H2BC18: variants seen among roughly 807,000 people sequenced by gnomAD.
H2BC18 encodes the protein H2B clustered histone 18.
Under a neutral mutation model 6.3 loss-of-function variants are expected in H2BC18, and 8 were observed. That is an observed-to-expected ratio of 1.28 (90% CI 0.75 to 2.31). The LOEUF (loss-of-function observed/expected upper bound fraction) is 2.31, where lower values mean the gene tolerates loss of function less well. H2BC18 is among the 30% of genes most tolerant of loss of function. H2BC18 has a pLI of 0.00. For synonymous variants in H2BC18, 104 were observed against 78.1 expected, an observed-to-expected ratio of 1.33 and a Z score of -1.75; for missense variants, 106 against 174.5, an observed-to-expected ratio of 0.61 and a Z score of 2.21.
Position 149,790,252 on chromosome 1 carries a change from A to C in H2BC18, c.378-6992T>G, listed in dbSNP as rs1553751577. ...TACCAAATACTAACTGCTAGAAGAG[A>C]AGACTCTGGGTTATACTGGTGCGAG... On this transcript the variant is annotated intron_variant, in intron 1 of 1. Coordinates refer to the H2BC18 transcript ENST00000545683. 2.5e-6 allele frequency: 4 copies of C among 1,605,710 alleles called. No homozygotes were observed. The East Asian group carries it at 8.9e-5, about 36-fold the overall frequency.
chr1:149,788,623 G>T (rs782588384), intron 1 of H2BC18: 26 of 1,613,864 alleles, frequency 1.6e-5, no homozygotes, highest in Non-Finnish European at 2.1e-5. Flanking sequence ...GAAAGGTATT[G>T]TATTGGAATA....
rs1443104333 is a variant in H2BC18 at position 149,791,321 on chromosome 1, G to A, written c.378-8061C>T. On this transcript the variant is annotated intron_variant, in intron 1 of 1. Transcript: ENST00000545683. Reference sequence around the variant, plus strand: ...ATGTTTTTAGTGAACACTGTTCTCTGGGTGACAATACGTAAAGAACTGAAA... The same window carrying A: ...ATGTTTTTAGTGAACACTGTTCTCTAGGTGACAATACGTAAAGAACTGAAA... 14 of 1,596,176 alleles carry A rather than the reference G, an allele frequency of 8.8e-6. 1 individual carries two copies. Among genetic ancestry groups the A allele is most frequent in the Non-Finnish European group, 1.0e-5 (12 of 1,171,568 alleles).
In H2BC18 at chr1:149,803,717, G is replaced by A. The variant is rs1190681314; in HGVS notation, c.377+8230C>T. On this transcript the variant is annotated intron_variant, in intron 1 of 1. Transcript: ENST00000545683. ...TGGCCATCTAAAGCAAAGTTCCTTG[G>A]ATTGGTTGACAGTGAGATAGTCTCT... The A allele has an allele frequency of 2.6e-5, 4 of 152,230 alleles. No homozygotes were observed. In the East Asian group the frequency reaches 7.7e-4, roughly 29 times the overall value. The allele number at this position is 152,230 out of a possible 1,614,324, so 9.4% of individuals were successfully genotyped here.
chr1:149,809,481 A>T (rs1455967916), downstream of H2BC18, among the ~76,000 whole-genome samples: 15 of 151,178 alleles, frequency 9.9e-5, no homozygotes, highest in African/African-American at 2.7e-4. Flanking sequence ...AAAAATATTT[A>T]CTAGAGTATT....
downstream of H2BC18, among the ~76,000 whole-genome samples, chr1:149,808,796 T>C (rs1553754136): frequency 6.6e-6 from 1 of 152,124 alleles, no homozygotes; most frequent in Non-Finnish European, 1.5e-5. Context: ...AAAAAAATTT[T>C]CCATAATATC....
chr1:149,786,440 C>T (rs1169637641), intron 1 of H2BC18: 1 of 152,134 alleles, frequency 6.6e-6, no homozygotes, highest in Non-Finnish European at 1.5e-5. Flanking sequence ...GTTAATTTTA[C>T]TACAGTACAA....
chr1:149,793,518 T>C (rs1170117198), intron 1 of H2BC18, among the ~76,000 whole-genome samples: 1 of 152,128 alleles, frequency 6.6e-6, no homozygotes, highest in Admixed American at 6.5e-5. Context: ...AGGGATCTGA[T>C]GCAGCTGGCG....
intron 1 of H2BC18, chr1:149,793,169 A>G: frequency 1.6e-6 from 2 of 1,279,636 alleles, no homozygotes; most frequent in South Asian, 2.5e-5. Context: ...AGATCACAGG[A>G]AACGGGAGGA....
chr1:149,804,469 AG>A (rs1172295061), intron 1 of H2BC18, among the ~76,000 whole-genome samples: 1 of 152,242 alleles, frequency 6.6e-6, no homozygotes, highest in Non-Finnish European at 1.5e-5. Context: ...AGAATACAGA[AG>A]GTCTTATTTC....
intron 1 of H2BC18, chr1:149,784,357 T>G (rs1195304303): frequency 3.2e-5 from 51 of 1,608,698 alleles, no homozygotes; most frequent in Middle Eastern, 2.2e-4. Flanking sequence ...TTTATCTGGG[T>G]GCAGGTCTCA....
chr1:149,788,509 T>G, intron 1 of H2BC18: 1 of 1,613,814 alleles, frequency 6.2e-7, no homozygotes, highest in Non-Finnish European at 8.5e-7. Context: ...CCACTGGAAT[T>G]CTAACCTCAC....
At chr1:149,788,280 A>G (rs1249520056) in intron 1 of H2BC18, 50 of 1,609,282 alleles carry the variant, frequency 3.1e-5, no homozygotes, top group Admixed American at 2.9e-4. Flanking sequence ...TTGCAAGGAG[A>G]AAAAATAGGA....
chr1:149,785,554 A>G (rs1553750733), intron 1 of H2BC18: 1 of 151,042 alleles, frequency 6.6e-6, no homozygotes, highest in African/African-American at 2.4e-5. Context: ...GAAGTGTTTC[A>G]TGGTTCAAGT....
intron 1 of H2BC18, among the ~76,000 whole-genome samples, chr1:149,789,780 A>G (rs587594169): frequency 9.2e-5 from 14 of 152,242 alleles, no homozygotes; most frequent in Non-Finnish European, 2.1e-4. Flanking sequence ...CCGGCTGTGG[A>G]AAAGTTGCCT....
At chr1:149,803,943 TA>T (rs2091895300) in intron 1 of H2BC18, 1 of 152,256 alleles carries the variant, frequency 6.6e-6, no homozygotes, top group Non-Finnish European at 1.5e-5. Context: ...ACAACAACAG[TA>T]ACTTCAGCTA....
intron 1 of H2BC18, among the ~76,000 whole-genome samples, chr1:149,796,109 A>G (rs587620568): frequency 2.8e-4 from 43 of 151,960 alleles, no homozygotes; most frequent in African/African-American, 9.4e-4. Flanking sequence ...TTTATTCTCC[A>G]CTTCTTGTTT....
intron 1 of H2BC18, among the ~76,000 whole-genome samples, chr1:149,790,701 C>T (rs1407463212): frequency 1.3e-5 from 2 of 150,362 alleles, no homozygotes; most frequent in Non-Finnish European, 3.0e-5. Context: ...TGCCTCCCTC[C>T]TCCTCACCAA....
At position 149,812,198 on chromosome 1, in the gene H2BC18, C is replaced by T. The variant is rs2091985347; in HGVS notation, c.126G>A (p.Val42=). Reference sequence around the variant, plus strand: ...GGTGGACCTGCTTCAGCACCTTGTACACGTAAACGGAGTAGCTCTCCTTGC... The same window carrying T: ...GGTGGACCTGCTTCAGCACCTTGTATACGTAAACGGAGTAGCTCTCCTTGC... The part of the protein sequence containing the change: ...RSRKESYSVY[V]YKVLKQVHPD... Residue 42 remains valine, a synonymous_variant, in exon 1 of 1, where the codon GTG becomes GTA. Transcript: ENST00000369167. 6.2e-7 allele frequency: 1 copy of T among 1,614,272 alleles called. No homozygotes were observed. The highest frequency in any genetic ancestry group is 8.5e-7 in the Non-Finnish European group (1 of 1,180,056).
intron 1 of H2BC18, chr1:149,786,901 T>C (rs1289540094): frequency 6.6e-6 from 1 of 152,162 alleles, no homozygotes; most frequent in Non-Finnish European, 1.5e-5. Flanking sequence ...GAAAATTGCT[T>C]TGTGGCCTAG....
Sources: gnomAD v4.1 joint callset for allele counts (sites outside exome capture counted in the v4.1 genomes callset) on GRCh38, gnomAD v4.1.1 for gene constraint, MANE v1.5 for transcripts, NCBI Gene and HGNC (gene_info 2026-07-23, HGNC 2026-07-21) for gene names.